BEND7: variants seen among roughly 807,000 people sequenced by gnomAD.
BEND7 encodes BEN domain-containing protein 7.
In BEND7, 28 loss-of-function variants were observed where a neutral mutation model predicts 50.9. That is an observed-to-expected ratio of 0.55 (90% CI 0.41 to 0.75). The LOEUF is 0.75. BEND7 is among the 30% of genes least tolerant of loss of function. The probability of loss-of-function intolerance (pLI) is 0.00; values close to 1 mark genes in which losing one functional copy is unlikely to be tolerated. For synonymous variants in BEND7, 170 were observed against 183.9 expected, an observed-to-expected ratio of 0.92 and a Z score of 0.61; for missense variants, 477 against 491.3, an observed-to-expected ratio of 0.97 and a Z score of 0.28.
At chr10:13,504,650 A>G (rs1298098519) in intron 2 of BEND7, among the ~76,000 whole-genome samples, 1 of 152,258 alleles carries the variant, frequency 6.6e-6, no homozygotes, top group African/African-American at 2.4e-5. Flanking sequence ...CGAGCTCTCT[A>G]GCGAGACAGG....
chr10:13,529,217 C>T (rs1323892904), upstream of BEND7, among the ~76,000 whole-genome samples: 1 of 146,954 alleles, frequency 6.8e-6, no homozygotes, highest in Non-Finnish European at 1.5e-5. Context: ...GCCCGGCCGG[C>T]CTGCCTGCCC....
intron 2 of BEND7, among the ~76,000 whole-genome samples, chr10:13,520,668 C>G (rs898145570): frequency 5.3e-5 from 8 of 152,198 alleles, no homozygotes; most frequent in African/African-American, 1.9e-4. Flanking sequence ...TGGTCAGCTA[C>G]TAATGACCAT....
At chr10:13,494,571 T>C (rs2076905316) in intron 4 of BEND7, among the ~76,000 whole-genome samples, 1 of 152,256 alleles carries the variant, frequency 6.6e-6, no homozygotes, top group South Asian at 2.1e-4. Context: ...TGGGAACTTC[T>C]CTTTGGTCTC....
chr10:13,508,243 C>T (rs2078035068), intron 2 of BEND7, among the ~76,000 whole-genome samples: 1 of 152,222 alleles, frequency 6.6e-6, no homozygotes, highest in Non-Finnish European at 1.5e-5. Context: ...ATGAGGGACA[C>T]ACAAGACTGG....
chr10:13,464,260 C>T (rs2074003454), intron 6 of BEND7, among the ~76,000 whole-genome samples: 1 of 152,206 alleles, frequency 6.6e-6, no homozygotes, highest in Non-Finnish European at 1.5e-5. Context: ...GCCAGCCTCA[C>T]TGTCTCTTAC....
chr10:13,465,573 G>A (rs554549913), intron 6 of BEND7, among the ~76,000 whole-genome samples: 17 of 152,256 alleles, frequency 1.1e-4, no homozygotes, highest in African/African-American at 4.1e-4. Flanking sequence ...CTGATTCCAA[G>A]CCATATTTAT....
rs536512958 is a variant in BEND7 at position 13,509,200 on chromosome 10, G to A, written c.146-9120C>T. 2.6e-5 allele frequency among the ~76,000 whole-genome samples: 4 copies of A among 152,354 alleles called. 1 individual carries two copies. In the South Asian group the frequency reaches 8.3e-4, roughly 32 times the overall value. ...GAGAAGTTTGGGGACAGAGTCCTAG[G>A]AGGGGAATAAGGAACAAACAATTTT... is the stretch of plus-strand genomic sequence containing the variant. On this transcript the variant is annotated intron_variant, in intron 2 of 8. Transcript: ENST00000466271.
chr10:13,488,482 G>A (rs1209101859), intron 5 of BEND7, among the ~76,000 whole-genome samples: 1 of 151,922 alleles, frequency 6.6e-6, no homozygotes, highest in Non-Finnish European at 1.5e-5. Context: ...ATTAAATACT[G>A]TATTTTCTTT....
chr10:13,490,323 A>G (rs576037933), intron 5 of BEND7, among the ~76,000 whole-genome samples: 2 of 152,316 alleles, frequency 1.3e-5, no homozygotes, highest in African/African-American at 4.8e-5. Flanking sequence ...AAACGTGTTG[A>G]GGATATGAAA....
intron 4 of BEND7, among the ~76,000 whole-genome samples, chr10:13,493,959 C>T (rs554655968): frequency 6.6e-6 from 1 of 152,336 alleles, no homozygotes; most frequent in South Asian, 2.1e-4. Context: ...AGAATATTTA[C>T]ACTTTGATCC....
intron 7 of BEND7, 32 bp from the exon 8 acceptor site, chr10:13,447,348 A>T (rs759678589): frequency 6.2e-7 from 1 of 1,609,870 alleles, no homozygotes; most frequent in Non-Finnish European, 8.5e-7. Flanking sequence ...CACAAATCTC[A>T]TTAGTTCCAG....
intron 2 of BEND7, among the ~76,000 whole-genome samples, chr10:13,522,123 G>A (rs897186151): frequency 2.5e-3 from 9 of 3,646 alleles, no homozygotes; most frequent in East Asian, 0.17. Flanking sequence ...TAAATGGAGC[G>A]CAATGAATTT....
intron 6 of BEND7, among the ~76,000 whole-genome samples, chr10:13,480,242 A>G (rs774184647): frequency 8.5e-5 from 13 of 152,254 alleles, no homozygotes; most frequent in Non-Finnish European, 1.8e-4. Flanking sequence ...ATATAAATGC[A>G]GAGGTGCTCC....
chr10:13,497,169 A>G (rs573267971), intron 3 of BEND7, among the ~76,000 whole-genome samples: 47 of 152,360 alleles, frequency 3.1e-4, no homozygotes, highest in African/African-American at 8.7e-4. Context: ...TGGGCACAGC[A>G]GGCCTCCCTA....
intron 4 of BEND7, among the ~76,000 whole-genome samples, chr10:13,493,090 A>C (rs1434875249): frequency 6.6e-6 from 1 of 152,234 alleles, no homozygotes; most frequent in Non-Finnish European, 1.5e-5. Flanking sequence ...ACTCAGGAGA[A>C]AGCGTTACTG....
intron 2 of BEND7, among the ~76,000 whole-genome samples, chr10:13,510,803 C>T (rs2078220824): frequency 2.6e-5 from 4 of 151,870 alleles, no homozygotes; most frequent in Non-Finnish European, 5.9e-5. Flanking sequence ...TTTTCTGTGA[C>T]ACACACACAC....
At chr10:13,486,225 T>C (rs367903756) in intron 5 of BEND7, among the ~76,000 whole-genome samples, 82 of 152,318 alleles carry the variant, frequency 5.4e-4, no homozygotes, top group African/African-American at 1.9e-3. Context: ...GAGGGGGGTC[T>C]CGCTTTGTTG....
chr10:13,453,005 G>A (rs1403866338), intron 6 of BEND7, among the ~76,000 whole-genome samples: 4 of 152,198 alleles, frequency 2.6e-5, no homozygotes, highest in South Asian at 2.1e-4. Flanking sequence ...TTTAGCAAAC[G>A]TATTAAAAGA....
intron 6 of BEND7, among the ~76,000 whole-genome samples, chr10:13,477,656 A>G (rs1208232233): frequency 2.0e-5 from 3 of 152,232 alleles, no homozygotes; most frequent in African/African-American, 7.2e-5. Flanking sequence ...TTTATATTCA[A>G]TTTTGGTTTC....
Sources: gnomAD v4.1 joint callset for allele counts (sites outside exome capture counted in the v4.1 genomes callset) on GRCh38, gnomAD v4.1.1 for gene constraint, MANE v1.5 for transcripts, NCBI Gene and HGNC (gene_info 2026-07-23, HGNC 2026-07-21) for gene names.